Variants in SGMS2 observed in about 807,000 individuals in gnomAD.
The protein encoded by SGMS2 is phosphatidylcholine:ceramide cholinephosphotransferase 2.
SGMS2 carries 21 observed loss-of-function variants against 43.8 expected under a neutral mutation model. That is an observed-to-expected ratio of 0.48 (90% CI 0.34 to 0.69). SGMS2 has a LOEUF of 0.69. SGMS2 is among the 30% of genes least tolerant of loss of function. SGMS2 has a pLI of 0.01. For synonymous variants in SGMS2, 167 were observed against 160.6 expected (o/e 1.04, Z -0.30); for missense variants, 384 against 443.2 (o/e 0.87, Z 1.20).
intron 1 of SGMS2, among the ~76,000 whole-genome samples, chr4:107,835,833 T>C (rs1332666429): frequency 6.6e-6 from 1 of 152,192 alleles, no homozygotes; most frequent in Admixed American, 6.5e-5. Context: ...TTTGATGAAC[T>C]AGTTTCTGAG....
chr4:107,913,274 T>C lies in SGMS2; in HGVS notation c.*2721T>C, dbSNP rs575659612. The C allele has an allele frequency of 2.6e-5, 4 of 152,308 alleles. No homozygotes were observed. The South Asian group carries it at 8.3e-4, about 32-fold the overall frequency. The allele number at this position is 152,308 out of a possible 1,614,324, so 9.4% of individuals were successfully genotyped here. ...CTAACTCATTTCAAATGAAATTCTCTCAGATTCTAGTTTTTGAGCTTGTCC... is the reference window on the plus strand; with the variant it reads ...CTAACTCATTTCAAATGAAATTCTCCCAGATTCTAGTTTTTGAGCTTGTCC... On this transcript the variant is annotated 3_prime_UTR_variant, in exon 7 of 7. Transcript: ENST00000690982.
chr4:107,899,381 G>T (rs964205859), intron 3 of SGMS2, among the ~76,000 whole-genome samples, 194 bp from the exon 4 acceptor site: 1 of 152,076 alleles, frequency 6.6e-6, no homozygotes, highest in African/African-American at 2.4e-5. Context: ...GAAAACTGTG[G>T]TGCAAATCTC....
At chr4:107,887,880 A>G (rs886084046) in intron 2 of SGMS2, among the ~76,000 whole-genome samples, 12 of 152,206 alleles carry the variant, frequency 7.9e-5, no homozygotes, top group East Asian at 5.8e-4. Context: ...AATTTTGACC[A>G]TAAGATAAAA....
chr4:107,857,021 C>A (rs1276393174), intron 1 of SGMS2, among the ~76,000 whole-genome samples: 3 of 152,184 alleles, frequency 2.0e-5, no homozygotes, highest in Non-Finnish European at 4.4e-5. Flanking sequence ...CATTCACTTT[C>A]CATTCTCTTC....
chr4:107,895,130 T>C (rs945654435), intron 2 of SGMS2, among the ~76,000 whole-genome samples, 180 bp from the exon 3 acceptor site: 11 of 152,218 alleles, frequency 7.2e-5, no homozygotes, highest in Admixed American at 1.3e-4. Context: ...AATTCCAAGA[T>C]AAAACTGTTC....
At position 107,851,898 on chromosome 4, in the gene SGMS2, A is replaced by T. The variant is rs1440846775; in HGVS notation, c.-326-6574A>T. Among the ~76,000 whole-genome samples the T allele has an allele frequency of 3.3e-5, 5 of 152,110 alleles. No individual in the cohort carries two copies. In the East Asian group the frequency reaches 9.6e-4, roughly 29 times the overall value. On this transcript the variant is annotated intron_variant, in intron 1 of 6. Transcript: ENST00000690982. ...AACTGGAGAGGCTGACCTCTTTGCT[A>T]CTTGGTGGTACATCACCACAAATGG...
At chr4:107,858,315 AGT>A (rs1167898080) in intron 1 of SGMS2, among the ~76,000 whole-genome samples, 155 bp from the exon 2 acceptor site, 4 of 152,148 alleles carry the variant, frequency 2.6e-5, no homozygotes, top group African/African-American at 9.7e-5. Context: ...TGTTATAGCC[AGT>A]GTTTTCCTGG....
rs533394381 is a variant in SGMS2 at position 107,834,707 on chromosome 4, C to A, written c.-327+9454C>A. On this transcript the variant is annotated intron_variant, in intron 1 of 6. Transcript: ENST00000690982. The stretch of plus-strand genomic sequence containing the variant: ...AAGGGCTATAGGCTCTTAGAGTAGA[C>A]AATATCTCAGAATCACAGTGTCAAC... Among the ~76,000 whole-genome samples, 5 of 152,288 alleles carry A rather than the reference C, an allele frequency of 3.3e-5. No individual in the cohort carries two copies. The East Asian group carries it at 7.7e-4, about 23-fold the overall frequency.
intron 1 of SGMS2, among the ~76,000 whole-genome samples, chr4:107,854,791 T>A (rs1424140967): frequency 6.6e-6 from 1 of 152,166 alleles, no homozygotes; most frequent in Non-Finnish European, 1.5e-5. Flanking sequence ...GAGTTATGCC[T>A]TGGGATTTAT....
chr4:107,857,104 T>C (rs555070430), intron 1 of SGMS2, among the ~76,000 whole-genome samples: 6 of 152,320 alleles, frequency 3.9e-5, no homozygotes, highest in Admixed American at 3.9e-4. Context: ...TTCATATAAA[T>C]GGGATCATAT....
chr4:107,864,513 A>G (rs1181287488), intron 2 of SGMS2: 1 of 152,210 alleles, frequency 6.6e-6, no homozygotes, highest in East Asian at 1.9e-4. Flanking sequence ...GCCAGTCATA[A>G]TAGTTAATTT....
chr4:107,887,713 G>A lies in SGMS2; in HGVS notation c.-244-7597G>A, dbSNP rs1010147705. 2.6e-5 allele frequency among the ~76,000 whole-genome samples: 4 copies of A among 152,134 alleles called. No homozygotes were observed. The South Asian group carries it at 8.3e-4, about 31-fold the overall frequency. On this transcript the variant is annotated intron_variant, in intron 2 of 6. Transcript: ENST00000690982. ...AGGATCACAGGTCATTGTAAAATAA[G>A]TCATTTCATTTAACCAAAGTGATAA...
intron 2 of SGMS2, among the ~76,000 whole-genome samples, chr4:107,887,049 C>CA (rs1415126889): frequency 6.6e-6 from 1 of 152,112 alleles, no homozygotes; most frequent in African/African-American, 2.4e-5. Context: ...AAAGGATGAG[C>CA]AGGTTTTAAA....
At chr4:107,851,050 C>G (rs1443466003) in intron 1 of SGMS2, among the ~76,000 whole-genome samples, 3 of 152,274 alleles carry the variant, frequency 2.0e-5, no homozygotes, top group African/African-American at 7.2e-5. Flanking sequence ...GTTTTGTTCT[C>G]TCTGCATGTC....
intron 1 of SGMS2, among the ~76,000 whole-genome samples, chr4:107,851,458 T>G (rs1032888126): frequency 6.6e-6 from 1 of 152,126 alleles, no homozygotes; most frequent in Non-Finnish European, 1.5e-5. Flanking sequence ...AACGAGAGAT[T>G]TGGATGGCTA....
At chr4:107,824,893 G>A (rs1440185322), upstream of SGMS2, 3 of 152,210 alleles carry the variant, frequency 2.0e-5, no homozygotes, top group Non-Finnish European at 2.9e-5. Flanking sequence ...CGGGCCGCGC[G>A]CGGCGGGCGG....
At chr4:107,908,450 C>T in intron 5 of SGMS2, 115 bp from the exon 6 acceptor site, 1 of 1,036,998 alleles carries the variant, frequency 9.6e-7, no homozygotes, top group Non-Finnish European at 1.4e-6. Context: ...TCAGTTTTAT[C>T]CTTCTGGTGA....
At chr4:107,900,917 G>A (rs914932979) in intron 4 of SGMS2, among the ~76,000 whole-genome samples, 2 of 152,158 alleles carry the variant, frequency 1.3e-5, no homozygotes, top group Non-Finnish European at 2.9e-5. Context: ...CGATTTTAGT[G>A]AAGCTAATTT....
Position 107,903,398 on chromosome 4 carries a change from C to T in SGMS2, c.727+12C>T, listed in dbSNP as rs760627062. The T allele has an allele frequency of 3.7e-6, 6 of 1,612,922 alleles. No homozygotes were observed. The Admixed American group carries it at 6.7e-5, about 18-fold the overall frequency. On this transcript the variant is annotated intron_variant, in intron 5 of 6. Transcript: ENST00000690982. ...GTTCATCAAAGAATGTAAGTAATAG[C>T]CCATTCCCACTGAACTGATAGCTGT...
Sources: gnomAD v4.1 joint callset for allele counts (sites outside exome capture counted in the v4.1 genomes callset) on GRCh38, gnomAD v4.1.1 for gene constraint, MANE v1.5 for transcripts, NCBI Gene and HGNC (gene_info 2026-07-23, HGNC 2026-07-21) for gene names.